CDKN2A: variants seen among roughly 807,000 people sequenced by gnomAD.
CDKN2A encodes cyclin-dependent kinase inhibitor 2A.
In CDKN2A, 3 loss-of-function variants were observed where a neutral mutation model predicts 11.1. The observed-to-expected ratio is 0.27, with a 90% confidence interval of 0.12 to 0.70. The LOEUF is 0.70. Among genes scored for constraint, CDKN2A ranks in the 30% least tolerant of loss-of-function variants. CDKN2A has a pLI of 0.77. For synonymous variants in CDKN2A, 122 were observed against 108.1 expected (o/e 1.13, Z -0.80); for missense variants, 265 against 233.6 (o/e 1.13, Z -0.88).
At chr9:21,983,992 G>C (rs1283451997) in intron 2 of CDKN2A, among the ~76,000 whole-genome samples, 1 of 151,966 alleles carries the variant, frequency 6.6e-6, no homozygotes, top group Non-Finnish European at 1.5e-5. Flanking sequence ...TTACTGTGAG[G>C]AATAAAGAAT....
chr9:21,990,463 A>AC (rs1196582662), intron 2 of CDKN2A, among the ~76,000 whole-genome samples: 5 of 152,090 alleles, frequency 3.3e-5, no homozygotes, highest in African/African-American at 1.2e-4. Context: ...TAGGACTGTT[A>AC]CCGTGTGTCA....
In CDKN2A at chr9:21,971,200, C is replaced by G. The variant is rs104894095; in HGVS notation, c.159G>C (p.Met53Ile). 1.8e-5 allele frequency: 29 copies of G among 1,597,670 alleles called. No individual in the cohort carries two copies. The highest frequency in any genetic ancestry group is 2.3e-5 in the Non-Finnish European group (27 of 1,179,030). The change falls in exon 2 of 3, where the codon ATG becomes ATC. Residue 53 changes from methionine (M) to isoleucine (I), a missense_variant. Transcript: ENST00000304494. ...GCTCCGCCACTCGGGCGCTGCCCAT[C>G]ATCATGACCTGCCAGAGAGAACAGA... ...SYGRRPIQVM[M>I]MGSARVAELL...
intron 2 of CDKN2A, chr9:21,969,612 C>T: frequency 6.5e-6 from 2 of 307,154 alleles, no homozygotes; most frequent in Non-Finnish European, 5.9e-6. Context: ...TCAGTTTATT[C>T]ATTTGCTTGT....
At chr9:21,994,977 C>G (rs1210706606) in exon 1 of CDKN2A, 1 of 152,344 alleles carries the variant, frequency 6.6e-6, no homozygotes, top group East Asian at 1.9e-4. Flanking sequence ...GAGGTCATCT[C>G]ATTGCTCTAT....
At chr9:21,981,108 A>G (rs1333631816) in intron 2 of CDKN2A, among the ~76,000 whole-genome samples, 1 of 13,666 alleles carries the variant, frequency 7.3e-5, no homozygotes, top group Non-Finnish European at 1.3e-4. Flanking sequence ...ATATACGTGT[A>G]TATATATATA....
At position 21,968,287 on chromosome 9, in the gene CDKN2A, A is replaced by G; in HGVS notation, c.458-45T>C. ...AACAGGCGTTAGAAACCTGAGGTCAAAGATGTGTGGCACATCCCGCCCTCC... is the reference window on the plus strand; with the variant it reads ...AACAGGCGTTAGAAACCTGAGGTCAGAGATGTGTGGCACATCCCGCCCTCC... On this transcript the variant is annotated intron_variant, in intron 2 of 2. Transcript: ENST00000304494. This position sits in a 1 kb window ranked among gnomAD's most constrained non-coding sequence, Gnocchi z 4.7. 6.2e-7 allele frequency: 1 copy of G among 1,609,326 alleles called. No individual in the cohort carries two copies. Among genetic ancestry groups the G allele is most frequent in the East Asian group, 2.2e-5 (1 of 44,844 alleles).
In CDKN2A at chr9:21,968,180, G is replaced by C. The variant is rs200667152; in HGVS notation, c.*49C>G. Reference sequence around the variant, plus strand: ...GTTGTGGCCCTGTAGGACCTTCGGTGACTGATGATCTAAGTTTCCCGAGGT... The same window carrying C: ...GTTGTGGCCCTGTAGGACCTTCGGTCACTGATGATCTAAGTTTCCCGAGGT... On this transcript the variant is annotated 3_prime_UTR_variant, in exon 3 of 3. Transcript: ENST00000304494. This position sits in a 1 kb window ranked among gnomAD's most constrained non-coding sequence, Gnocchi z 4.7. 7.6e-6 allele frequency: 12 copies of C among 1,579,346 alleles called. No individual in the cohort carries two copies. The highest frequency in any genetic ancestry group is 1.0e-5 in the Non-Finnish European group (12 of 1,148,606).
intron 2 of CDKN2A, among the ~76,000 whole-genome samples, chr9:21,987,558 G>A (rs1487198250): frequency 6.6e-6 from 1 of 151,998 alleles, no homozygotes; most frequent in Non-Finnish European, 1.5e-5. Context: ...GGTTCTGTAA[G>A]CTTTAAAACA....
rs2131093568 is a variant in CDKN2A at position 21,971,027 on chromosome 9, C to A, written c.332G>T (p.Gly111Val). ...CTCAGCCAGGTCCACGGGCAGACGG[C>A]CCCAGGCATCGCGCACGTCCAGCCG... is the stretch of plus-strand genomic sequence containing the variant. ...GARLDVRDAW[G>V]RLPVDLAEEL... The change falls in exon 2 of 3, where the codon GGC (glycine) becomes GTC (valine). Residue 111 changes from glycine to valine, a missense_variant. Physicochemically the swap from Gly to Val is moderately radical, Grantham distance 109. Coordinates refer to ENST00000304494, the MANE Select transcript of CDKN2A (RefSeq NM_000077.5). 6.2e-7 allele frequency: 1 copy of A among 1,606,652 alleles called. No homozygotes were observed.
At chr9:21,979,160 G>A (rs1820113933), upstream of CDKN2A, among the ~76,000 whole-genome samples, 1 of 152,220 alleles carries the variant, frequency 6.6e-6, no homozygotes, top group Non-Finnish European at 1.5e-5. Context: ...CTAGGCAGAG[G>A]TAAGAGGATG....
rs748156512 is a variant in CDKN2A, at chr9:21,971,330, C to G, written c.151-122G>C. 472 of 1,514,122 alleles carry G rather than the reference C, an allele frequency of 3.1e-4. 1 individual carries two copies. The highest frequency in any genetic ancestry group is 6.6e-4 in the Admixed American group (32 of 48,150). The allele number at this position is 1,514,122 out of a possible 1,614,324, so 93.8% of individuals were successfully genotyped here. Reference sequence around the variant, plus strand: ...CACAAGCCCCAGGTGTCTAATTACCCCTACATTTGCTTCCAGTTTCCAATT... The same window carrying G: ...CACAAGCCCCAGGTGTCTAATTACCGCTACATTTGCTTCCAGTTTCCAATT... On this transcript the variant is annotated intron_variant, in intron 1 of 2. Coordinates refer to ENST00000304494, the MANE Select transcript of CDKN2A (RefSeq NM_000077.5).
chr9:21,974,777 G>A lies in CDKN2A; in HGVS notation c.51C>T (p.Ala17=), dbSNP rs764362225. 2 of 1,606,810 alleles carry A rather than the reference G, an allele frequency of 1.2e-6. No individual in the cohort carries two copies. Among genetic ancestry groups the A allele is most frequent in the Non-Finnish European group, 1.7e-6 (2 of 1,179,092 alleles). The part of the protein sequence containing the change: ...SSMEPSADWL[A]TAAARGRVEE... ...CTACCCGACCCCGGGCCGCGGCCGT[G>A]GCCAGCCAGTCAGCCGAAGGCTCCA... The change falls in exon 1 of 3, where the codon GCC becomes GCT. Residue 17 remains alanine, a synonymous_variant. Transcript: ENST00000304494. The surrounding 1 kb of genome is among the most constrained non-coding windows in gnomAD (Gnocchi z 5.2).
At chr9:21,982,221 T>G (rs1467854840) in intron 2 of CDKN2A, among the ~76,000 whole-genome samples, 1 of 152,184 alleles carries the variant, frequency 6.6e-6, no homozygotes, top group African/African-American at 2.4e-5. Context: ...AGTCACAATT[T>G]TCAACCTTAG....
chr9:21,970,778 T>C (rs372542818), intron 2 of CDKN2A, 124 bp downstream of exon 2: 10 of 1,221,142 alleles, frequency 8.2e-6, no homozygotes, highest in African/African-American at 4.5e-5. Flanking sequence ...GTCCCACCGA[T>C]TGGCGCGTGA....
chr9:21,981,177 T>C (rs1195832407), intron 2 of CDKN2A, among the ~76,000 whole-genome samples: 1 of 105,482 alleles, frequency 9.5e-6, no homozygotes. Flanking sequence ...TATATATACG[T>C]GTATATATAT....
chr9:21,971,083 G>T lies in CDKN2A; in HGVS notation c.276C>A (p.Asp92Glu), dbSNP rs1587331567. ...VHDAAREGFL[D>E]TLVVLHRAGA... ...CGGCCCGGTGCAGCACCACCAGCGT[G>T]TCCAGGAAGCCCTCCCGGGCAGCGT... The change falls in exon 2 of 3, where the codon GAC becomes GAA. Residue 92 changes from aspartate (D) to glutamate (E), a missense_variant. Coordinates refer to ENST00000304494, the MANE Select transcript of CDKN2A (RefSeq NM_000077.5). 1.2e-6 allele frequency: 2 copies of T among 1,605,418 alleles called. No individual in the cohort carries two copies. Among genetic ancestry groups the T allele is most frequent in the Non-Finnish European group, 1.7e-6 (2 of 1,179,572 alleles).
intron 2 of CDKN2A, chr9:21,969,526 G>A: frequency 2.6e-6 from 1 of 387,188 alleles, no homozygotes; most frequent in Non-Finnish European, 4.6e-6. Flanking sequence ...TGGGGAGTAA[G>A]AGAAGGAAGG....
intron 2 of CDKN2A, among the ~76,000 whole-genome samples, chr9:21,982,481 T>A (rs568730655): frequency 3.4e-4 from 40 of 118,278 alleles, no homozygotes; most frequent in Non-Finnish European, 6.9e-4. Flanking sequence ...TTTTGTAAAT[T>A]TTTTTTATGT....
At chr9:21,977,831 G>C (rs1263590402), upstream of CDKN2A, among the ~76,000 whole-genome samples, 1 of 152,142 alleles carries the variant, frequency 6.6e-6, no homozygotes, top group Admixed American at 6.6e-5. Context: ...AGTGAATTCA[G>C]GGATTTCTCT....
Sources: gnomAD v4.1 joint callset for allele counts (sites outside exome capture counted in the v4.1 genomes callset) on GRCh38, gnomAD v4.1.1 for gene constraint, Gnocchi (gnomAD v3.1) non-coding constraint, MANE v1.5 for transcripts, NCBI Gene and HGNC (gene_info 2026-07-23, HGNC 2026-07-21) for gene names.